The following LPP variants were observed in gnomAD, a reference collection of about 807,000 sequenced individuals.
LPP encodes the protein lipoma-preferred partner.
A neutral mutation model predicts 60.4 loss-of-function variants in LPP; 38 were observed. That is an observed-to-expected ratio of 0.63 (90% CI 0.49 to 0.83). The LOEUF is 0.83. LPP is among the 40% of genes least tolerant of loss of function. The pLI is 0.00. For synonymous variants in LPP, 328 were observed against 290.8 expected (o/e 1.13, Z -1.30); for missense variants, 902 against 783.6 (o/e 1.15, Z -1.80).
intron 3 of LPP, among the ~76,000 whole-genome samples, chr3:188,395,971 G>A (rs1376398058): frequency 1.3e-5 from 2 of 151,938 alleles, no homozygotes; most frequent in African/African-American, 4.8e-5. Flanking sequence ...AAATTATAAT[G>A]TCCAAACTCA....
At chr3:188,248,486 A>T (rs1488262968) in intron 2 of LPP, among the ~76,000 whole-genome samples, 5 of 137,566 alleles carry the variant, frequency 3.6e-5, no homozygotes, top group Non-Finnish European at 7.7e-5. Flanking sequence ...ATATATATAT[A>T]TATATATATA....
chr3:188,227,345 A>G (rs1375220734), intron 2 of LPP, among the ~76,000 whole-genome samples: 1 of 35,272 alleles, frequency 2.8e-5, no homozygotes, highest in African/African-American at 1.2e-4. Context: ...CCCTCCCCCC[A>G]CCCCACAACA....
chr3:188,668,759 A>G (rs1388683552), intron 7 of LPP, among the ~76,000 whole-genome samples: 1 of 152,190 alleles, frequency 6.6e-6, no homozygotes, highest in Non-Finnish European at 1.5e-5. Context: ...TTTCCTAGGA[A>G]ATACTCCAAA....
At chr3:188,825,269 C>CTCTCTCTCTCTG (rs1463318065) in intron 9 of LPP, among the ~76,000 whole-genome samples, 108 of 101,750 alleles carry the variant, frequency 1.1e-3, no homozygotes, top group Middle Eastern at 0.011. Context: ...CTCTCTCTCT[C>CTCTCTCTCTCTG]TGTGTGTGTG....
intron 7 of LPP, among the ~76,000 whole-genome samples, chr3:188,683,050 G>GT (rs1859874620): frequency 6.6e-6 from 1 of 152,120 alleles, no homozygotes; most frequent in Admixed American, 6.5e-5. Context: ...GCTAGCATTA[G>GT]TTTTTCATCT....
chr3:188,667,153 C>T (rs1011520073), intron 7 of LPP, among the ~76,000 whole-genome samples: 18 of 152,106 alleles, frequency 1.2e-4, no homozygotes, highest in African/African-American at 3.9e-4. Context: ...TAGTCTCAGG[C>T]ACAAGGTGGA....
intron 1 of LPP, among the ~76,000 whole-genome samples, chr3:188,183,219 C>T (rs1725632424): frequency 6.6e-6 from 1 of 152,132 alleles, no homozygotes; most frequent in Non-Finnish European, 1.5e-5. Flanking sequence ...AAAACAGGCA[C>T]CACGTCCTGG....
chr3:188,268,265 T>A (rs1228361255), intron 2 of LPP, among the ~76,000 whole-genome samples: 3 of 151,646 alleles, frequency 2.0e-5, no homozygotes. Context: ...CAAAGGAGAC[T>A]GTAAAACAAA....
At chr3:188,486,564 G>T (rs1037610114) in intron 5 of LPP, among the ~76,000 whole-genome samples, 1 of 152,100 alleles carries the variant, frequency 6.6e-6, no homozygotes, top group East Asian at 1.9e-4. Context: ...GAGCTCTAGA[G>T]ATTTCTTGGG....
chr3:188,793,205 T>C (rs1360886610), intron 9 of LPP, among the ~76,000 whole-genome samples: 1 of 148,552 alleles, frequency 6.7e-6, no homozygotes, highest in Non-Finnish European at 1.5e-5. Context: ...TTTTTTGAGA[T>C]GAAGTCTTGC....
chr3:188,667,282 TC>T (rs1017134210), intron 7 of LPP, among the ~76,000 whole-genome samples: 2 of 151,948 alleles, frequency 1.3e-5, no homozygotes, highest in African/African-American at 2.4e-5. Flanking sequence ...ATAGAGACCA[TC>T]CTGGCTAACA....
At chr3:188,619,064 G>A (rs766166582) in intron 7 of LPP, among the ~76,000 whole-genome samples, 25 of 151,726 alleles carry the variant, frequency 1.6e-4, no homozygotes, top group South Asian at 4.2e-4. Flanking sequence ...CACTCTTGTC[G>A]CCCAGGCTGG....
intron 1 of LPP, among the ~76,000 whole-genome samples, chr3:188,201,504 C>T (rs868218816): frequency 1.3e-5 from 2 of 151,872 alleles, no homozygotes; most frequent in East Asian, 1.9e-4. Context: ...GTCAGGAGTT[C>T]GAGACCAGCC....
At chr3:188,792,431 G>A (rs573195672) in intron 9 of LPP, among the ~76,000 whole-genome samples, 2 of 152,230 alleles carry the variant, frequency 1.3e-5, no homozygotes, top group South Asian at 4.1e-4. Flanking sequence ...CTGCCGGTGA[G>A]AAGCAACAAT....
chr3:188,432,508 GA>G (rs1273551614), intron 4 of LPP, among the ~76,000 whole-genome samples: 5 of 152,092 alleles, frequency 3.3e-5, no homozygotes, highest in African/African-American at 1.2e-4. Flanking sequence ...GGTGGATTCA[GA>G]GAGGTCTTTG....
chr3:188,484,163 T>A (rs1805628153), intron 4 of LPP, among the ~76,000 whole-genome samples: 1 of 152,212 alleles, frequency 6.6e-6, no homozygotes, highest in South Asian at 2.1e-4. Flanking sequence ...TCCATGATCC[T>A]CCACTTTATC....
chr3:188,431,501 A>C (rs1790888388), intron 4 of LPP, among the ~76,000 whole-genome samples: 1 of 152,180 alleles, frequency 6.6e-6, no homozygotes, highest in Non-Finnish European at 1.5e-5. Context: ...TTTTGTTGTG[A>C]ATATAATCTC....
chr3:188,751,216 G>C (rs1727964141), intron 8 of LPP, among the ~76,000 whole-genome samples: 1 of 152,256 alleles, frequency 6.6e-6, no homozygotes, highest in Admixed American at 6.5e-5. Flanking sequence ...TAAATTTGGA[G>C]ATTTCCTACC....
chr3:188,502,607 AT>A lies in LPP; in HGVS notation c.306+17905del, dbSNP rs376885560. ...ATTTAATTCATTTACATTTAAAGTA[AT>A]TATTGATAAGTAGAGAATTACTTCT... On this transcript the variant is annotated intron_variant, in intron 5 of 11. Coordinates refer to ENST00000617246, the MANE Select transcript of LPP (RefSeq NM_001375462.1). Among the ~76,000 whole-genome samples the A allele has an allele frequency of 6.8e-4, 104 of 152,306 alleles. 4 individuals are homozygous for A. In the South Asian group the frequency reaches 0.021, roughly 31 times the overall value.
Sources: gnomAD v4.1 joint callset for allele counts (sites outside exome capture counted in the v4.1 genomes callset) on GRCh38, gnomAD v4.1.1 for gene constraint, MANE v1.5 for transcripts, NCBI Gene and HGNC (gene_info 2026-07-23, HGNC 2026-07-21) for gene names.